The following PRH1 variants were observed in gnomAD, a reference collection of about 807,000 sequenced individuals.
PRH1 encodes proline rich protein HaeIII subfamily 1, also known as salivary acidic proline-rich phosphoprotein 1/2.
A neutral mutation model predicts 7.9 loss-of-function variants in PRH1; 7 were observed. That is an observed-to-expected ratio of 0.89 (90% CI 0.50 to 1.67). The LOEUF (loss-of-function observed/expected upper bound fraction) is 1.67, where lower values mean the gene tolerates loss of function less well. Among genes scored for constraint, PRH1 ranks in the 40% most tolerant of loss-of-function variants. The probability of loss-of-function intolerance (pLI) is 0.00; values close to 1 mark genes in which losing one functional copy is unlikely to be tolerated. For synonymous variants in PRH1, 45 were observed against 80.8 expected, an observed-to-expected ratio of 0.56 and a Z score of 2.38; for missense variants, 109 against 223.6, an observed-to-expected ratio of 0.49 and a Z score of 3.27.
intron 1 of PRH1, among the ~76,000 whole-genome samples, chr12:11,145,715 T>TA (rs1565701208): frequency 1.3e-5 from 2 of 151,962 alleles, no homozygotes. Flanking sequence ...ACAAAAAGGT[T>TA]AAAGTCGCTT....
intron 1 of PRH1, among the ~76,000 whole-genome samples, chr12:11,107,628 T>G (rs1317160718): frequency 6.6e-6 from 1 of 152,220 alleles, no homozygotes; most frequent in East Asian, 1.9e-4. Flanking sequence ...AGGATTACAC[T>G]TTCTGATTTC....
chr12:10,986,214 G>T (rs146930737), intron 1 of PRH1: 52 of 1,613,948 alleles, frequency 3.2e-5, no homozygotes, highest in Non-Finnish European at 5.1e-6. Flanking sequence ...GAGATCTTGC[G>T]ATCCTTCTCC....
At chr12:10,903,931 C>CAAAAAAAAAAA (rs546066515) in intron 2 of PRH1, among the ~76,000 whole-genome samples, 19 of 31,096 alleles carry the variant, frequency 6.1e-4, no homozygotes, top group South Asian at 2.5e-3. Flanking sequence ...ACAATAGCCT[C>CAAAAAAAAAAA]AAAAAAAAAA....
chr12:10,917,102 G>C (rs1444455618), intron 2 of PRH1, among the ~76,000 whole-genome samples: 1 of 151,900 alleles, frequency 6.6e-6, no homozygotes, highest in Admixed American at 6.6e-5. Context: ...ATGTATACAT[G>C]GGTGAGACTC....
At chr12:11,038,834 C>T (rs1381566665) in intron 1 of PRH1, among the ~76,000 whole-genome samples, 8 of 142,542 alleles carry the variant, frequency 5.6e-5, no homozygotes, top group Admixed American at 2.2e-4. Flanking sequence ...CATACTCGGC[C>T]GAAATGATGT....
chr12:11,154,494 G>C (rs1947194844), intron 1 of PRH1, among the ~76,000 whole-genome samples: 1 of 152,142 alleles, frequency 6.6e-6, no homozygotes, highest in Non-Finnish European at 1.5e-5. Flanking sequence ...GATTTCCAGA[G>C]GAAATGCATA....
chr12:11,096,681 G>A (rs1945075764), intron 1 of PRH1, among the ~76,000 whole-genome samples: 1 of 114,970 alleles, frequency 8.7e-6, no homozygotes, highest in Non-Finnish European at 2.1e-5. Flanking sequence ...CTTTTCACAG[G>A]GAAATTCAAT....
intron 2 of PRH1, chr12:10,929,257 C>A (rs1349935770): frequency 1.2e-6 from 2 of 1,614,068 alleles, no homozygotes; most frequent in Non-Finnish European, 1.7e-6. Flanking sequence ...GGGAGTGACA[C>A]CAGAGCCTTC....
chr12:11,167,554 C>T (rs1947618717), intron 1 of PRH1, among the ~76,000 whole-genome samples: 1 of 151,782 alleles, frequency 6.6e-6, no homozygotes, highest in Non-Finnish European at 1.5e-5. Context: ...ACACCATTCT[C>T]CTGCCTCAGC....
At chr12:11,134,656 G>T in intron 1 of PRH1, 1 of 183,708 alleles carries the variant, frequency 5.4e-6, no homozygotes, top group Non-Finnish European at 1.1e-5. Context: ...TCAGTTGCTT[G>T]GGAAGTTTTA....
At chr12:10,912,026 G>A (rs1273192000) in intron 2 of PRH1, among the ~76,000 whole-genome samples, 1 of 152,034 alleles carries the variant, frequency 6.6e-6, no homozygotes, top group Admixed American at 6.6e-5. Context: ...GCACATGAAT[G>A]GAATAATACT....
intron 1 of PRH1, chr12:11,030,506 A>C (rs1157768823): frequency 1.2e-6 from 2 of 1,614,256 alleles, no homozygotes; most frequent in South Asian, 1.1e-5. Flanking sequence ...AATCAGGATG[A>C]ATGGGTGGAT....
intron 1 of PRH1, chr12:11,046,884 T>G (rs1045194983): frequency 2.7e-6 from 1 of 366,240 alleles, no homozygotes; most frequent in Admixed American, 2.5e-5. Context: ...AGAGAACAGC[T>G]CATGATGGAA....
chr12:10,901,659 T>C (rs990457729), intron 2 of PRH1, among the ~76,000 whole-genome samples: 1 of 152,172 alleles, frequency 6.6e-6, no homozygotes, highest in African/African-American at 2.4e-5. Flanking sequence ...AAACTGGCTC[T>C]TACCTATAAG....
chr12:11,003,851 T>G (rs1266082983), intron 1 of PRH1, among the ~76,000 whole-genome samples: 2 of 152,096 alleles, frequency 1.3e-5, no homozygotes, highest in African/African-American at 2.4e-5. Context: ...TTCCTTTTCA[T>G]ATATATTCTT....
In PRH1 at chr12:10,954,370, T is replaced by C. The variant is rs2135920276; in HGVS notation, c.-59+19285A>G. The stretch of plus-strand genomic sequence containing the variant: ...GTATAGTGTCTTCAAGAGACTCACT[T>C]ACATGCAGTGATACCCATAAGCTCA... On this transcript the variant is annotated intron_variant, in intron 2 of 3. Transcript: ENST00000539853. 2.0e-5 allele frequency among the ~76,000 whole-genome samples: 3 copies of C among 152,328 alleles called. No homozygotes were observed. The Middle Eastern group carries it at 0.01, about 518-fold the overall frequency.
chr12:11,039,436 A>G (rs1186553915), intron 1 of PRH1, among the ~76,000 whole-genome samples: 1 of 152,268 alleles, frequency 6.6e-6, no homozygotes, highest in African/African-American at 2.4e-5. Context: ...CCTTGCTGTA[A>G]GATAAAATTT....
chr12:10,907,462 T>C (rs532010515), intron 2 of PRH1, among the ~76,000 whole-genome samples: 1 of 152,158 alleles, frequency 6.6e-6, no homozygotes, highest in East Asian at 1.9e-4. Flanking sequence ...TCAAAAACAT[T>C]ATGCTGAGTT....
intron 1 of PRH1, among the ~76,000 whole-genome samples, chr12:10,978,260 C>T (rs1470181678): frequency 6.6e-6 from 1 of 152,066 alleles, no homozygotes; most frequent in Non-Finnish European, 1.5e-5. Context: ...AGAAATAATG[C>T]CACCCACCTA....
Sources: allele counts gnomAD v4.1 joint callset (sites outside exome capture counted in the v4.1 genomes callset), GRCh38; gene constraint gnomAD v4.1.1; transcripts MANE v1.5; gene names NCBI Gene and HGNC (gene_info 2026-07-23, HGNC 2026-07-21).